RUNX1T1: variants seen among roughly 807,000 people sequenced by gnomAD.
The protein encoded by RUNX1T1 is protein CBFA2T1.
RUNX1T1 carries 4 observed loss-of-function variants against 62.8 expected under a neutral mutation model. The observed-to-expected ratio is 0.06, with a 90% CI of 0.03 to 0.15. The LOEUF (loss-of-function observed/expected upper bound fraction) is 0.15. Among genes scored for constraint, RUNX1T1 ranks in the 10% least tolerant of loss-of-function variants. The probability of loss-of-function intolerance (pLI) is 1.00; values close to 1 mark genes in which losing one functional copy is unlikely to be tolerated. For missense variants in RUNX1T1, 508 were observed against 754.3 expected, an observed-to-expected ratio of 0.67 and a Z score of 3.82; for synonymous variants, 291 against 286.0, an observed-to-expected ratio of 1.02 and a Z score of -0.18.
chr8:92,056,227 AC>A (rs1831014181), intron 1 of RUNX1T1, among the ~76,000 whole-genome samples: 1 of 152,074 alleles, frequency 6.6e-6, no homozygotes, highest in Non-Finnish European at 1.5e-5. Context: ...TAAAGTTAGC[AC>A]CCCCATCAAA....
intron 1 of RUNX1T1, among the ~76,000 whole-genome samples, chr8:92,020,992 AAAC>A (rs1008358127): frequency 6.6e-6 from 1 of 152,074 alleles, no homozygotes; most frequent in African/African-American, 2.4e-5. Context: ...GACCAGTATA[AAAC>A]AACAACAACA....
intron 1 of RUNX1T1, among the ~76,000 whole-genome samples, chr8:92,089,716 T>C (rs1468669965): frequency 6.6e-6 from 1 of 152,056 alleles, no homozygotes; most frequent in Non-Finnish European, 1.5e-5. Flanking sequence ...GATTTATTCC[T>C]ACATCATTCA....
At chr8:92,069,946 C>A (rs1833433004) in intron 2 of RUNX1T1, among the ~76,000 whole-genome samples, 1 of 152,140 alleles carries the variant, frequency 6.6e-6, no homozygotes, top group African/African-American at 2.4e-5. Context: ...GATAAATTGA[C>A]ACAAGTCCAC....
intron 1 of RUNX1T1, among the ~76,000 whole-genome samples, chr8:92,020,657 T>C (rs961764819): frequency 6.6e-6 from 1 of 152,174 alleles, no homozygotes; most frequent in African/African-American, 2.4e-5. Flanking sequence ...AACAAGACGA[T>C]CTTCCCTCTG....
intron 5 of RUNX1T1, among the ~76,000 whole-genome samples, chr8:91,994,232 G>A (rs1245788995): frequency 6.6e-6 from 1 of 152,064 alleles, no homozygotes; most frequent in Non-Finnish European, 1.5e-5. Context: ...ACTGATATCA[G>A]ACTAAAATAT....
At chr8:91,958,638 TAA>T (rs1254866054), downstream of RUNX1T1, 46 of 129,516 alleles carry the variant, frequency 3.6e-4, no homozygotes, top group Middle Eastern at 3.6e-3. Context: ...AATAATGATT[TAA>T]AAAAAAAAAA....
At position 92,068,294 on chromosome 8, in the gene RUNX1T1, T is replaced by C. The variant is rs191202866; in HGVS notation, c.88+7671A>G. ...TCATTTGACAAGGACTGTAACACTA[T>C]ATAGAAAACCTTTGTTTCAATGTCA... On this transcript the variant is annotated intron_variant, in intron 2 of 11. Transcript: ENST00000265814. Among the ~76,000 whole-genome samples the C allele has an allele frequency of 1.9e-4, 29 of 152,338 alleles. No homozygotes were observed. The East Asian group carries it at 5.6e-3, about 29-fold the overall frequency.
chr8:91,996,136 G>A (rs1818611953), intron 5 of RUNX1T1, among the ~76,000 whole-genome samples: 1 of 151,920 alleles, frequency 6.6e-6, no homozygotes, highest in African/African-American at 2.4e-5. Flanking sequence ...TGAAGTGAGA[G>A]GTAACTGTAT....
At chr8:92,025,881 G>C (rs537721530) in intron 1 of RUNX1T1, among the ~76,000 whole-genome samples, 9 of 152,082 alleles carry the variant, frequency 5.9e-5, no homozygotes, top group Non-Finnish European at 1.3e-4. Flanking sequence ...CAATTCACCA[G>C]TTTTCTAACA....
At chr8:92,032,969 A>C (rs191999325) in intron 1 of RUNX1T1, among the ~76,000 whole-genome samples, 1 of 152,296 alleles carries the variant, frequency 6.6e-6, no homozygotes, top group Non-Finnish European at 1.5e-5. Context: ...CAACAAAATG[A>C]TAGTTTTTTA....
At chr8:92,021,761 C>T (rs867302149) in intron 1 of RUNX1T1, among the ~76,000 whole-genome samples, 6 of 151,900 alleles carry the variant, frequency 3.9e-5, no homozygotes, top group Admixed American at 2.6e-4. Flanking sequence ...TATTAGGTAC[C>T]AGCAGGTGTG....
upstream of RUNX1T1, chr8:92,062,980 G>T (rs1395715669): frequency 6.0e-6 from 7 of 1,174,150 alleles, no homozygotes; most frequent in Admixed American, 4.2e-5. Context: ...CCCCCATCCT[G>T]TTCAAGGTTA....
At chr8:92,036,001 G>T (rs1483504826) in intron 1 of RUNX1T1, among the ~76,000 whole-genome samples, 1 of 152,146 alleles carries the variant, frequency 6.6e-6, no homozygotes, top group Non-Finnish European at 1.5e-5. Flanking sequence ...TTTAATGTTA[G>T]TAAGTTCTTA....
intron 1 of RUNX1T1, among the ~76,000 whole-genome samples, chr8:92,039,822 TTC>T (rs1828109924): frequency 6.6e-6 from 1 of 152,144 alleles, no homozygotes; most frequent in Non-Finnish European, 1.5e-5. Flanking sequence ...AGCCCCTCAG[TTC>T]TGTTTATTTG....
At chr8:91,995,906 T>A (rs768246592) in intron 5 of RUNX1T1, among the ~76,000 whole-genome samples, 36 of 152,224 alleles carry the variant, frequency 2.4e-4, no homozygotes, top group Admixed American at 5.2e-4. Flanking sequence ...CCAGTTCTAT[T>A]CAAAGCATGT....
chr8:91,995,358 AG>A (rs1251984476), intron 5 of RUNX1T1, among the ~76,000 whole-genome samples: 4 of 152,234 alleles, frequency 2.6e-5, no homozygotes, highest in Non-Finnish European at 5.9e-5. Flanking sequence ...CCTAAAAGGC[AG>A]GCTAGGGCCT....
intron 1 of RUNX1T1, among the ~76,000 whole-genome samples, chr8:92,060,543 A>ATG (rs1483893086): frequency 8.5e-5 from 9 of 105,600 alleles, no homozygotes; most frequent in African/African-American, 2.8e-4. Flanking sequence ...ATATATATAT[A>ATG]TATATATATA....
chr8:91,991,358 C>G lies in RUNX1T1; in HGVS notation c.910+281G>C, dbSNP rs1817632733. Among the ~76,000 whole-genome samples the G allele has an allele frequency of 2.0e-5, 3 of 152,010 alleles. No homozygotes were observed. In the South Asian group the frequency reaches 6.2e-4, roughly 32 times the overall value. ...TAAAAATTTATTTTGCATTTGTTAC[C>G]AACACAACAATTGAGGGTCTTGTAT... On this transcript the variant is annotated intron_variant, in intron 6 of 10. Transcript: ENST00000396218.
chr8:92,031,076 A>G (rs1359839815), intron 1 of RUNX1T1, among the ~76,000 whole-genome samples: 1 of 152,202 alleles, frequency 6.6e-6, no homozygotes, highest in Non-Finnish European at 1.5e-5. Flanking sequence ...TTTTCCACTG[A>G]GCTAACCAAG....
Sources: allele counts gnomAD v4.1 joint callset (sites outside exome capture counted in the v4.1 genomes callset), GRCh38; gene constraint gnomAD v4.1.1; transcripts MANE v1.5; gene names NCBI Gene and HGNC (gene_info 2026-07-23, HGNC 2026-07-21).